The following KAT6B variants were observed in gnomAD, a reference collection of about 807,000 sequenced individuals.
The protein encoded by KAT6B is lysine acetyltransferase 6B.
A neutral mutation model predicts 187.5 loss-of-function variants in KAT6B; 10 were observed. The observed-to-expected ratio is 0.05, with a 90% CI of 0.03 to 0.09. The LOEUF (loss-of-function observed/expected upper bound fraction) is 0.09, where lower values mean the gene tolerates loss of function less well. Among genes scored for constraint, KAT6B ranks in the 10% least tolerant of loss-of-function variants. The pLI, the probability that KAT6B is intolerant of heterozygous loss-of-function variation, is 1.00. For missense variants in KAT6B, 1,952 were observed against 2,558.9 expected (o/e 0.76, Z 5.12); for synonymous variants, 861 against 926.8 (o/e 0.93, Z 1.29).
intron 1 of KAT6B, among the ~76,000 whole-genome samples, chr10:74,831,238 A>G (rs1366722621): frequency 1.3e-5 from 2 of 152,018 alleles, no homozygotes; most frequent in Non-Finnish European, 2.9e-5. Context: ...GTCCTTTGTC[A>G]TGTGTGTGTG....
intron 3 of KAT6B, among the ~76,000 whole-genome samples, chr10:74,862,941 T>C (rs1222852554): frequency 6.6e-6 from 1 of 152,178 alleles, no homozygotes; most frequent in Non-Finnish European, 1.5e-5. Flanking sequence ...CCTCATTACC[T>C]TCTAACGAAG....
intron 3 of KAT6B, among the ~76,000 whole-genome samples, chr10:74,947,704 C>T (rs143726198): frequency 1.3e-5 from 2 of 152,306 alleles, no homozygotes; most frequent in Non-Finnish European, 2.9e-5. Flanking sequence ...CTACTGTTTA[C>T]CCTTAGTAGG....
chr10:75,017,311 A>G (rs910884978), intron 13 of KAT6B, among the ~76,000 whole-genome samples: 6 of 152,152 alleles, frequency 3.9e-5, no homozygotes, highest in Admixed American at 2.6e-4. Flanking sequence ...CCAATGGGCT[A>G]TATCATAATT....
At chr10:75,020,964 A>AC in intron 14 of KAT6B, 151 bp downstream of exon 14, 1 of 983,626 alleles carries the variant, frequency 1.0e-6, no homozygotes, top group Non-Finnish European at 1.6e-6. Flanking sequence ...ATGAAATGAC[A>AC]CTTTTTTACT....
chr10:74,976,417 T>G, intron 8 of KAT6B, 87 bp downstream of exon 8: 3 of 1,047,674 alleles, frequency 2.9e-6, no homozygotes, highest in Non-Finnish European at 4.4e-6. Flanking sequence ...CAATTCCTAT[T>G]TGTCACATAG....
rs766221178 is a variant in KAT6B at position 75,025,264 on chromosome 10, G to A, written c.3664+15G>A. The A allele has an allele frequency of 1.2e-6, 2 of 1,613,306 alleles. No homozygotes were observed. The highest frequency in any genetic ancestry group is 1.1e-5 in the South Asian group (1 of 90,772). ...CCCTTGTAGAAGTAAGTAGAGGAAT[G>A]ATAAAAACCTTACCCTTGAGAATGT... On this transcript the variant is annotated intron_variant, in intron 17 of 17. Transcript: ENST00000287239.
chr10:74,939,228 G>T (rs1294231787), intron 3 of KAT6B, among the ~76,000 whole-genome samples: 1 of 152,116 alleles, frequency 6.6e-6, no homozygotes, highest in Non-Finnish European at 1.5e-5. Context: ...TGTTTGAGTT[G>T]ATTCTTCCAA....
At chr10:74,947,090 C>A (rs59587813) in intron 3 of KAT6B, among the ~76,000 whole-genome samples, 2 of 152,238 alleles carry the variant, frequency 1.3e-5, no homozygotes, top group South Asian at 4.2e-4. Context: ...ACCTCCACCC[C>A]CTGAGTTCAA....
intron 3 of KAT6B, among the ~76,000 whole-genome samples, chr10:74,938,757 GAC>G (rs1849443580): frequency 6.6e-6 from 1 of 151,796 alleles, no homozygotes; most frequent in Non-Finnish European, 1.5e-5. Context: ...TTTTTTGTGA[GAC>G]AGAGTCTCAC....
In KAT6B at chr10:74,942,765, CAAAAAAA is replaced by C. The variant is rs56276008; in HGVS notation, c.622-17184_622-17178del. ...AGGCAACAAGAGCGAAACTCCATCG[CAAAAAAA>C]AAAAAAAAAAAAAAAAAAAAGCCAT... On this transcript the variant is annotated intron_variant, in intron 3 of 17. Coordinates refer to ENST00000287239, the MANE Select transcript of KAT6B (RefSeq NM_012330.4). Among the ~76,000 whole-genome samples, 7 of 9,356 alleles carry C rather than the reference CAAAAAAA, an allele frequency of 7.5e-4. No individual in the cohort carries two copies. In the South Asian group the frequency reaches 0.025, roughly 33 times the overall value. The allele number at this position is 9,356 out of a possible 152,430, so 6.1% of individuals were successfully genotyped here.
At chr10:74,962,384 G>A (rs952753237) in intron 4 of KAT6B, among the ~76,000 whole-genome samples, 1 of 152,116 alleles carries the variant, frequency 6.6e-6, no homozygotes, top group Non-Finnish European at 1.5e-5. Context: ...ATAATGGCGG[G>A]AGCCCTGTTG....
chr10:74,837,675 A>G (rs1017969497), intron 1 of KAT6B, among the ~76,000 whole-genome samples: 4 of 152,104 alleles, frequency 2.6e-5, no homozygotes, highest in African/African-American at 9.7e-5. Flanking sequence ...TTTTCAATCT[A>G]TTCTCTTGCT....
intron 3 of KAT6B, among the ~76,000 whole-genome samples, chr10:74,904,340 C>T (rs147850277): frequency 6.6e-6 from 1 of 152,336 alleles, no homozygotes; most frequent in Non-Finnish European, 1.5e-5. Context: ...GTCTCATAAG[C>T]TCACTGGTTG....
chr10:74,859,719 G>A (rs1383814240), intron 3 of KAT6B, among the ~76,000 whole-genome samples: 1 of 152,188 alleles, frequency 6.6e-6, no homozygotes. Flanking sequence ...CATCTGATGA[G>A]CTCTGACCCT....
chr10:74,944,808 C>CAAAAAAAAAAAAAA (rs58164194), intron 3 of KAT6B, among the ~76,000 whole-genome samples: 1 of 32,902 alleles, frequency 3.0e-5, no homozygotes, highest in African/African-American at 1.0e-4. Flanking sequence ...GACTCCGTCT[C>CAAAAAAAAAAAAAA]AAAAAAAAAA....
intron 13 of KAT6B, among the ~76,000 whole-genome samples, chr10:75,005,162 A>T (rs1844116823): frequency 6.6e-6 from 1 of 152,152 alleles, no homozygotes; most frequent in South Asian, 2.1e-4. Context: ...GAATATTCTA[A>T]GATAAAAGTT....
intron 3 of KAT6B, among the ~76,000 whole-genome samples, chr10:74,944,279 G>C (rs1366179721): frequency 6.6e-6 from 1 of 152,198 alleles, no homozygotes; most frequent in Non-Finnish European, 1.5e-5. Flanking sequence ...ATGCTAGGAA[G>C]GATATATCTT....
At chr10:74,879,275 T>C (rs779018212) in intron 3 of KAT6B, among the ~76,000 whole-genome samples, 14 of 152,152 alleles carry the variant, frequency 9.2e-5, no homozygotes, top group Admixed American at 2.6e-4. Context: ...ACCAAGTGGT[T>C]TTCTGGGTTG....
At chr10:74,856,253 C>A (rs986824340) in intron 3 of KAT6B, among the ~76,000 whole-genome samples, 2 of 151,970 alleles carry the variant, frequency 1.3e-5, no homozygotes, top group African/African-American at 4.8e-5. Flanking sequence ...GCCCGGCTAA[C>A]TTTTTTTATT....
Sources: gnomAD v4.1 joint callset for allele counts (sites outside exome capture counted in the v4.1 genomes callset) on GRCh38, gnomAD v4.1.1 for gene constraint, MANE v1.5 for transcripts, NCBI Gene and HGNC (gene_info 2026-07-23, HGNC 2026-07-21) for gene names.